The following LIMCH1 variants were observed in gnomAD, a reference collection of about 807,000 sequenced individuals.
LIMCH1 encodes LIM and calponin homology domains 1.
LIMCH1 carries 113 observed loss-of-function variants against 176.5 expected under a neutral mutation model. The observed-to-expected ratio is 0.64, with a 90% CI of 0.55 to 0.75. LIMCH1 has a LOEUF of 0.75. Ranked by LOEUF, LIMCH1 falls within the 30% of genes least tolerant of loss-of-function variation. The pLI is 0.00. For synonymous variants in LIMCH1, 619 were observed against 645.9 expected, an observed-to-expected ratio of 0.96 and a Z score of 0.63; for missense variants, 1,674 against 1,814.9, an observed-to-expected ratio of 0.92 and a Z score of 1.41.
intron 1 of LIMCH1, among the ~76,000 whole-genome samples, chr4:41,444,347 C>T (rs2063048878): frequency 7.1e-6 from 1 of 141,324 alleles, no homozygotes; most frequent in East Asian, 2.1e-4. Flanking sequence ...CACACACACA[C>T]ACACACATAT....
At chr4:41,530,822 T>TAAAAAAAAAAAAAAAAAAAA (rs1345989713) in intron 3 of LIMCH1, among the ~76,000 whole-genome samples, 1 of 73,734 alleles carries the variant, frequency 1.4e-5, no homozygotes, top group African/African-American at 8.9e-5. Flanking sequence ...AAAAAAAATT[T>TAAAAAAAAAAAAAAAAAAAA]TTTTTTTTTT....
chr4:41,495,844 A>G (rs2072026281), intron 2 of LIMCH1, among the ~76,000 whole-genome samples: 1 of 151,952 alleles, frequency 6.6e-6, no homozygotes. Context: ...CTGCCTCCCC[A>G]CTGCTCTTCT....
intron 1 of LIMCH1, among the ~76,000 whole-genome samples, chr4:41,581,828 A>C (rs112645272): frequency 1.1e-4 from 17 of 150,464 alleles, no homozygotes; most frequent in Non-Finnish European, 2.1e-4. Flanking sequence ...AAAAAAAAAA[A>C]AACAACAGCA....
intron 1 of LIMCH1, among the ~76,000 whole-genome samples, chr4:41,586,981 C>A (rs1352872392): frequency 2.8e-4 from 42 of 152,128 alleles, no homozygotes; most frequent in Non-Finnish European, 1.5e-5. Context: ...ATTGTGCTTC[C>A]AAAGCTCTTC....
chr4:41,531,633 A>G lies in LIMCH1; in HGVS notation c.237+7155A>G, dbSNP rs80023447. ...CTTGCTTCTTACCCTTTTGTCTGCT[A>G]TGACTAATGGTTAGCTCTTTCCAGT... On this transcript the variant is annotated intron_variant, in intron 3 of 26. Transcript: ENST00000313860. Among the ~76,000 whole-genome samples, 1,203 of 152,158 alleles carry G rather than the reference A, an allele frequency of 7.9e-3. 9 individuals are homozygous for G. The highest frequency in any genetic ancestry group is 0.013 in the Non-Finnish European group (889 of 68,008).
At chr4:41,575,170 C>T (rs1255103877) in intron 1 of LIMCH1, among the ~76,000 whole-genome samples, 1 of 152,114 alleles carries the variant, frequency 6.6e-6, no homozygotes, top group Admixed American at 6.5e-5. Flanking sequence ...GCTGTTGTTA[C>T]CATGTTAAGT....
At chr4:41,634,389 G>C (rs1324372819) in intron 13 of LIMCH1, among the ~76,000 whole-genome samples, 1 of 152,104 alleles carries the variant, frequency 6.6e-6, no homozygotes, top group Non-Finnish European at 1.5e-5. Flanking sequence ...TGTATGGTAA[G>C]CCTACCAATG....
upstream of LIMCH1, chr4:41,360,780 G>A: frequency 7.5e-7 from 1 of 1,325,866 alleles, no homozygotes; most frequent in Non-Finnish European, 1.0e-6. The surrounding 1 kb of genome is among the most constrained non-coding windows in gnomAD (Gnocchi z 4.5). Context: ...GCGCGCTCCT[G>A]CGGCGGCGAC....
chr4:41,495,183 C>G (rs1271217769), intron 2 of LIMCH1, among the ~76,000 whole-genome samples: 1 of 152,074 alleles, frequency 6.6e-6, no homozygotes, highest in Non-Finnish European at 1.5e-5. Context: ...ATAAGCAGAG[C>G]CTTCGTACTT....
At chr4:41,590,716 C>T (rs2087391218) in intron 1 of LIMCH1, among the ~76,000 whole-genome samples, 1 of 152,148 alleles carries the variant, frequency 6.6e-6, no homozygotes, top group Non-Finnish European at 1.5e-5. Flanking sequence ...TCAAACGTCC[C>T]CAGAATTCCC....
rs527461708 is a variant in LIMCH1 at position 41,621,977 on chromosome 4, TA to T, written c.725+1298del. Among the ~76,000 whole-genome samples, 261 of 145,690 alleles carry T rather than the reference TA, an allele frequency of 1.8e-3. 2 individuals carry two copies. The highest frequency in any genetic ancestry group is 2.2e-3 in the African/African-American group (86 of 39,960). ...ATTTAATTCTAGAGTACCTTTGTAT[TA>T]AAAAAAAAAACAACTAAGGATATAC... On this transcript the variant is annotated intron_variant, in intron 7 of 31. Transcript: ENST00000503057.
At chr4:41,478,697 T>G (rs1381238729) in intron 1 of LIMCH1, among the ~76,000 whole-genome samples, 1 of 152,230 alleles carries the variant, frequency 6.6e-6, no homozygotes, top group Non-Finnish European at 1.5e-5. Context: ...GTTCTTTGCC[T>G]GAACTCAGGA....
At chr4:41,360,320 C>A (rs995595054), upstream of LIMCH1, among the ~76,000 whole-genome samples, 1 of 152,136 alleles carries the variant, frequency 6.6e-6, no homozygotes, top group Non-Finnish European at 1.5e-5. The surrounding 1 kb of genome is among the most constrained non-coding windows in gnomAD (Gnocchi z 4.5). Context: ...AGTGCCCGCG[C>A]GTCCTACTGC....
intron 1 of LIMCH1, among the ~76,000 whole-genome samples, chr4:41,489,082 T>C (rs1024473603): frequency 4.6e-5 from 7 of 152,174 alleles, no homozygotes; most frequent in South Asian, 4.1e-4. Flanking sequence ...TTATAATTTT[T>C]CTTGTTATCC....
Position 41,594,824 on chromosome 4 carries a change from G to A in LIMCH1, c.-240-4096G>A, listed in dbSNP as rs1285764576. ...TGTGTCTGGGATGCACATAGGAGGA[G>A]CACCTTGTTGAGAATCTGTGGGGGT... is the stretch of plus-strand genomic sequence containing the variant. On this transcript the variant is annotated intron_variant, in intron 1 of 31. Coordinates refer to ENST00000503057, the MANE Select transcript of LIMCH1 (RefSeq NM_001330672.2). 2.6e-5 allele frequency among the ~76,000 whole-genome samples: 4 copies of A among 152,294 alleles called. No individual in the cohort carries two copies. The East Asian group carries it at 5.8e-4, about 22-fold the overall frequency.
At chr4:41,561,808 A>G (rs1193237090) in intron 1 of LIMCH1, among the ~76,000 whole-genome samples, 4 of 152,194 alleles carry the variant, frequency 2.6e-5, no homozygotes, top group Non-Finnish European at 1.5e-5. Flanking sequence ...CAACAATTCT[A>G]TTCTTTATGC....
intron 2 of LIMCH1, among the ~76,000 whole-genome samples, chr4:41,507,545 C>T (rs1304821870): frequency 6.6e-6 from 1 of 152,146 alleles, no homozygotes; most frequent in Non-Finnish European, 1.5e-5. Flanking sequence ...AAAAATGCAC[C>T]TAGCATTCCT....
At chr4:41,403,439 G>A (rs1055040898) in intron 1 of LIMCH1, among the ~76,000 whole-genome samples, 1 of 152,084 alleles carries the variant, frequency 6.6e-6, no homozygotes, top group Admixed American at 6.5e-5. Flanking sequence ...AAATTAGCCA[G>A]GGGTGGTGGC....
chr4:41,680,218 A>G, intron 24 of LIMCH1, 120 bp downstream of exon 24: 2 of 682,886 alleles, frequency 2.9e-6, no homozygotes. Flanking sequence ...TACTGACAGC[A>G]GAATCCCATC....
Sources: gnomAD v4.1 joint callset for allele counts (sites outside exome capture counted in the v4.1 genomes callset) on GRCh38, gnomAD v4.1.1 for gene constraint, Gnocchi (gnomAD v3.1) non-coding constraint, MANE v1.5 for transcripts, NCBI Gene and HGNC (gene_info 2026-07-23, HGNC 2026-07-21) for gene names.